LAPTM4A: variants seen among roughly 807,000 people sequenced by gnomAD.
LAPTM4A encodes lysosomal protein transmembrane 4 alpha.
LAPTM4A carries 19 observed loss-of-function variants against 29.9 expected under a neutral mutation model. That is an observed-to-expected ratio of 0.64 (90% CI 0.44 to 0.93). The LOEUF (loss-of-function observed/expected upper bound fraction) is 0.93. Among genes scored for constraint, LAPTM4A ranks in the 40% least tolerant of loss-of-function variants. The pLI is 0.00. For synonymous variants in LAPTM4A, 105 were observed against 102.1 expected (o/e 1.03, Z -0.17); for missense variants, 293 against 288.5 (o/e 1.02, Z -0.11).
intron 4 of LAPTM4A, chr2:20,035,300 T>C: frequency 2.2e-6 from 1 of 457,004 alleles, no homozygotes; most frequent in Non-Finnish European, 4.0e-6. Flanking sequence ...AGTCTAAATT[T>C]AGCTCGTTTT....
intron 1 of LAPTM4A, among the ~76,000 whole-genome samples, chr2:20,046,282 G>A (rs1352280505): frequency 6.6e-6 from 1 of 151,932 alleles, no homozygotes; most frequent in African/African-American, 2.4e-5. Flanking sequence ...AAACCAACAT[G>A]GCACATGTAT....
At chr2:20,041,722 AC>A (rs1200545534) in intron 1 of LAPTM4A, among the ~76,000 whole-genome samples, 3 of 152,042 alleles carry the variant, frequency 2.0e-5, no homozygotes, top group African/African-American at 7.2e-5. Context: ...TTTAGTAGAG[AC>A]GGGGTTTCAC....
intron 4 of LAPTM4A, 51 bp downstream of exon 4, chr2:20,037,263 AAC>A (rs756509148): frequency 7.0e-7 from 1 of 1,429,008 alleles, no homozygotes; most frequent in South Asian, 1.4e-5. Context: ...TTTAAATGTA[AAC>A]ATTTTACTCA....
At chr2:20,039,242 G>C (rs1429009554) in intron 2 of LAPTM4A, among the ~76,000 whole-genome samples, 1 of 152,186 alleles carries the variant, frequency 6.6e-6, no homozygotes, top group Non-Finnish European at 1.5e-5. Context: ...TCACTGGGCA[G>C]TAAAACCTCA....
At position 20,044,195 on chromosome 2, in the gene LAPTM4A, G is replaced by A. The variant is rs2061678; in HGVS notation, c.112-3184C>T. On this transcript the variant is annotated intron_variant, in intron 1 of 6. Transcript: ENST00000175091. ...TTTGCTGCAATGGGTTTTGGCCAGC[G>A]TGTGTGGTGTATGAGTATGAGCTAA... Among the ~76,000 whole-genome samples, 362 of 152,298 alleles carry A rather than the reference G, an allele frequency of 2.4e-3. 1 individual carries two copies. Among genetic ancestry groups the A allele is most frequent in the African/African-American group, 8.4e-3 (347 of 41,554 alleles).
At chr2:20,033,762 G>A (rs2103494268) in intron 6 of LAPTM4A, among the ~76,000 whole-genome samples, 1 of 152,274 alleles carries the variant, frequency 6.6e-6, no homozygotes, top group African/African-American at 2.4e-5. Flanking sequence ...ATGCAGTGGA[G>A]GAGTGACATT....
intron 1 of LAPTM4A, among the ~76,000 whole-genome samples, chr2:20,048,461 A>G (rs1296080535): frequency 6.6e-6 from 1 of 152,350 alleles, no homozygotes; most frequent in East Asian, 1.9e-4. Flanking sequence ...GGCTTTCTCT[A>G]TGTCCCACAG....
intron 1 of LAPTM4A, among the ~76,000 whole-genome samples, chr2:20,051,204 C>T (rs1226405465): frequency 6.6e-6 from 1 of 152,174 alleles, no homozygotes; most frequent in African/African-American, 2.4e-5. Flanking sequence ...ATGCTTACCA[C>T]CGCCCCCCGC....
At chr2:20,046,791 A>G (rs1045389394) in intron 1 of LAPTM4A, among the ~76,000 whole-genome samples, 6 of 144,002 alleles carry the variant, frequency 4.2e-5, no homozygotes, top group African/African-American at 1.5e-4. Context: ...TATATATATA[A>G]TATAATATAT....
chr2:20,047,142 C>A (rs1383376688), intron 1 of LAPTM4A, among the ~76,000 whole-genome samples: 2 of 152,012 alleles, frequency 1.3e-5, no homozygotes, highest in East Asian at 3.9e-4. Context: ...GTAATCCCAG[C>A]ACTTTGGGAG....
At chr2:20,035,123 C>A (rs749529335) in intron 4 of LAPTM4A, 61 bp from the exon 5 acceptor site, 8 of 1,103,612 alleles carry the variant, frequency 7.2e-6, no homozygotes, top group Non-Finnish European at 9.6e-6. Flanking sequence ...TGCTGATAAC[C>A]TGAAGAGCAT....
rs1186576675 is a variant in LAPTM4A, at chr2:20,047,552, C to T, written c.111+3858G>A. Among the ~76,000 whole-genome samples, 6 of 143,784 alleles carry T rather than the reference C, an allele frequency of 4.2e-5. No homozygotes were observed. In the South Asian group the frequency reaches 6.8e-4, roughly 16 times the overall value. The allele number at this position is 143,784 out of a possible 152,430, so 94.3% of individuals were successfully genotyped here. On this transcript the variant is annotated intron_variant, in intron 1 of 6. Transcript: ENST00000175091. ...AAAAATACAAAAAATTAGCCGGGCG[C>T]GGTGGCGGGCGCCTGTAGTCCCAGC...
chr2:20,041,873 A>G (rs1673809352), intron 1 of LAPTM4A, among the ~76,000 whole-genome samples: 1 of 152,104 alleles, frequency 6.6e-6, no homozygotes, highest in African/African-American at 2.4e-5. Flanking sequence ...TCTCCCTTCT[A>G]AATAAGTGCT....
rs751276618 is a variant in LAPTM4A, at chr2:20,041,030, TATC to T, written c.112-22_112-20del. ...TTACTACCTGGAAAAGATAACATTC[TATC>T]AGTTACATTAATTACCATCACGACG... On this transcript the variant is annotated intron_variant, in intron 1 of 6. Coordinates refer to ENST00000175091, the MANE Select transcript of LAPTM4A (RefSeq NM_014713.5). The T allele has an allele frequency of 1.2e-6, 2 of 1,612,888 alleles. No individual in the cohort carries two copies. Among genetic ancestry groups the T allele is most frequent in the Non-Finnish European group, 1.7e-6 (2 of 1,179,080 alleles).
At chr2:20,037,900 G>GT (rs1237516519) in intron 2 of LAPTM4A, among the ~76,000 whole-genome samples, 1 of 152,108 alleles carries the variant, frequency 6.6e-6, no homozygotes, top group African/African-American at 2.4e-5. Flanking sequence ...AGAGAAACAG[G>GT]TCCCTGTGCC....
intron 4 of LAPTM4A, 80 bp from the exon 5 acceptor site, chr2:20,035,142 T>C (rs1673654254): frequency 1.1e-6 from 1 of 900,838 alleles, no homozygotes; most frequent in East Asian, 2.6e-5. Context: ...ATCTGAAGAA[T>C]ACAAAGGCAC....
chr2:20,051,407 T>A lies in LAPTM4A; in HGVS notation c.111+3A>T. The A allele has an allele frequency of 6.2e-7, 1 of 1,604,292 alleles. No homozygotes were observed. The highest frequency in any genetic ancestry group is 8.5e-7 in the Non-Finnish European group (1 of 1,171,916). ...ACATACGCGCCACGCCTGCCCGCCT[T>A]ACCATGTACCAGGTCCCCAGGATGA... On this transcript the variant is annotated splice_donor_region_variant and intron_variant, in intron 1 of 6. Transcript: ENST00000175091.
At chr2:20,034,895 G>C (rs1162267892) in intron 5 of LAPTM4A, 72 bp downstream of exon 5, 26 of 1,083,756 alleles carry the variant, frequency 2.4e-5, no homozygotes, top group Non-Finnish European at 2.9e-5. Flanking sequence ...CTTGTAAGGT[G>C]AAAGGCAGCA....
chr2:20,035,722 G>A (rs959305548), intron 4 of LAPTM4A, among the ~76,000 whole-genome samples: 10 of 152,314 alleles, frequency 6.6e-5, no homozygotes, highest in African/African-American at 2.2e-4. Flanking sequence ...CTAACCAACA[G>A]AGGAAATACC....
Sources: gnomAD v4.1 joint callset for allele counts (sites outside exome capture counted in the v4.1 genomes callset) on GRCh38, gnomAD v4.1.1 for gene constraint, MANE v1.5 for transcripts, NCBI Gene and HGNC (gene_info 2026-07-23, HGNC 2026-07-21) for gene names.